ATR: variants seen among roughly 807,000 people sequenced by gnomAD.
ATR encodes the protein serine/threonine-protein kinase ATR.
In ATR, 142 loss-of-function variants were observed where a neutral mutation model predicts 305.3. The ratio of observed to expected loss-of-function variants is 0.47; its 90% CI spans 0.41 to 0.53. ATR has a LOEUF of 0.53. Ranked by LOEUF, ATR falls within the 20% of genes least tolerant of loss-of-function variation. The probability of loss-of-function intolerance (pLI) is 0.00; values close to 1 mark genes in which losing one functional copy is unlikely to be tolerated. For missense variants in ATR, 2,135 were observed against 3,133.1 expected (o/e 0.68, Z 7.60); for synonymous variants, 1,050 against 1,068.1 (o/e 0.98, Z 0.33).
In ATR at chr3:142,513,583, T is replaced by C; in HGVS notation, c.4559A>G (p.His1520Arg). The change falls in exon 26 of 47, where the codon CAT becomes CGT. Residue 1520 changes from histidine to arginine, a missense_variant. Physicochemically the swap from His to Arg is conservative, Grantham distance 29. Transcript: ENST00000350721. ...AAGATAGATGGTCACTTTGAAATCA[T>C]GCTTCATCATAATGCTACAGCAGGT... Reference protein sequence around the residue: ...IFTCCSIMMKHDFKVTIYLLP... With the variant: ...IFTCCSIMMKRDFKVTIYLLP... 5.0e-6 allele frequency: 8 copies of C among 1,613,518 alleles called. No individual in the cohort carries two copies. Among genetic ancestry groups the C allele is most frequent in the Non-Finnish European group, 6.8e-6 (8 of 1,179,574 alleles).
chr3:142,554,152 G>A, intron 10 of ATR, 137 bp from the exon 11 acceptor site: 1 of 650,598 alleles, frequency 1.5e-6, no homozygotes, highest in South Asian at 2.8e-5. Context: ...ATTTAAGTAT[G>A]TATAGCACAC....
intron 35 of ATR, among the ~76,000 whole-genome samples, chr3:142,487,224 C>A (rs1489326180): frequency 1.3e-5 from 2 of 152,194 alleles, no homozygotes; most frequent in Admixed American, 1.3e-4. Context: ...GCAGCCACAA[C>A]TCCTAGGCTC....
At chr3:142,520,791 T>C (rs954909407) in intron 23 of ATR, among the ~76,000 whole-genome samples, 14 of 152,180 alleles carry the variant, frequency 9.2e-5, no homozygotes, top group African/African-American at 2.7e-4. Flanking sequence ...AAGCTGTCTC[T>C]ATAACATAAA....
At chr3:142,523,940 A>T in intron 22 of ATR, 53 bp downstream of exon 22, 1 of 1,550,766 alleles carries the variant, frequency 6.4e-7, no homozygotes, top group South Asian at 1.1e-5. Context: ...TGAAATATAT[A>T]AACCTCAATA....
Position 142,553,901 on chromosome 3 carries a change from T to C in ATR, c.2456A>G (p.Asp819Gly). The C allele has an allele frequency of 2.5e-6, 4 of 1,613,410 alleles. No homozygotes were observed. Among genetic ancestry groups the C allele is most frequent in the East Asian group, 2.2e-5 (1 of 44,754 alleles). The stretch of plus-strand genomic sequence containing the variant: ...ATTTCCACTAAAAGCCACTCTAACA[T>C]CTTTGTCTGGATCTTCCATTAAATT... ...LLNLMEDPDK[D>G]VRVAFSGNIK... The change falls in exon 11 of 47, where the codon GAT becomes GGT. Residue 819 changes from aspartate (D) to glycine (G), a missense_variant. This residue lies in a region of ATR where 530 missense variants were observed against 766.8 expected (regional missense o/e 0.69). Transcript: ENST00000350721.
At chr3:142,516,418 A>G (rs111985901) in intron 24 of ATR, among the ~76,000 whole-genome samples, 6 of 152,188 alleles carry the variant, frequency 3.9e-5, no homozygotes, top group Non-Finnish European at 7.4e-5. Context: ...GATTAGTACT[A>G]CTATGTATTC....
chr3:142,486,159 G>A (rs949684579), intron 35 of ATR, among the ~76,000 whole-genome samples: 1 of 152,092 alleles, frequency 6.6e-6, no homozygotes, highest in Non-Finnish European at 1.5e-5. Flanking sequence ...GAAATACACA[G>A]GATCACTGAC....
intron 29 of ATR, among the ~76,000 whole-genome samples, chr3:142,504,912 T>G (rs1325165389): frequency 6.6e-6 from 1 of 151,934 alleles, no homozygotes. Flanking sequence ...TGTGGTGTGG[T>G]GGCACACGCC....
chr3:142,522,281 T>C (rs9808943), intron 23 of ATR, among the ~76,000 whole-genome samples: 96,236 of 152,084 alleles, frequency 0.63, 31,453 homozygotes, highest in African/African-American at 0.8. Context: ...GTAAACATAA[T>C]GTTAATATGC....
intron 36 of ATR, among the ~76,000 whole-genome samples, chr3:142,483,077 CTCACCACTGCCTTGACG>C (rs1276835296): frequency 6.7e-6 from 1 of 149,040 alleles, no homozygotes; most frequent in Non-Finnish European, 1.5e-5. Context: ...GCAATCACAG[CTCACCACTGCCTTGACG>C]TCCCAGGTTC....
intron 31 of ATR, 87 bp downstream of exon 31, chr3:142,499,540 C>G (rs1413779271): frequency 1.1e-5 from 13 of 1,209,526 alleles, no homozygotes; most frequent in Admixed American, 1.7e-5. Flanking sequence ...ATGATCCGCC[C>G]GCCTCAGCCG....
chr3:142,514,027 T>C (rs1007975951), intron 25 of ATR, among the ~76,000 whole-genome samples: 5 of 151,712 alleles, frequency 3.3e-5, no homozygotes, highest in African/African-American at 1.2e-4. Flanking sequence ...CCCAGCACTT[T>C]GGGAGGCCAA....
intron 17 of ATR, 135 bp from the exon 18 acceptor site, chr3:142,541,169 T>C (rs2034037275): frequency 8.5e-7 from 1 of 1,182,634 alleles, no homozygotes; most frequent in South Asian, 1.3e-5. Flanking sequence ...ATTGAATAAA[T>C]GTTGGCCAGT....
chr3:142,454,762 T>C (rs1421839471), intron 45 of ATR, among the ~76,000 whole-genome samples: 1 of 152,172 alleles, frequency 6.6e-6, no homozygotes, highest in African/African-American at 2.4e-5. Context: ...TTTTAAATAA[T>C]GAAGGTGAAT....
chr3:142,511,214 A>C (rs1419130366), intron 27 of ATR, among the ~76,000 whole-genome samples: 1 of 152,182 alleles, frequency 6.6e-6, no homozygotes, highest in African/African-American at 2.4e-5. Flanking sequence ...ACACACACAC[A>C]CACACAAAAA....
intron 21 of ATR, among the ~76,000 whole-genome samples, chr3:142,528,854 C>CATATATATATATATATAT (rs1191100552): frequency 5.8e-4 from 38 of 65,702 alleles, no homozygotes; most frequent in African/African-American, 1.5e-3. Context: ...CTGGAATTAT[C>CATATATATATATATATAT]ATATATATAT....
intron 16 of ATR, among the ~76,000 whole-genome samples, chr3:142,545,891 TA>T (rs2034252802): frequency 6.6e-6 from 1 of 152,058 alleles, no homozygotes; most frequent in Admixed American, 6.6e-5. Context: ...AAAAACAGAT[TA>T]GAAAGGGAAA....
At position 142,568,174 on chromosome 3, in the gene ATR, C is replaced by G; in HGVS notation, c.60-20G>C. 1 of 1,588,436 alleles carries G rather than the reference C, an allele frequency of 6.3e-7. No individual in the cohort carries two copies. Among genetic ancestry groups the G allele is most frequent in the Non-Finnish European group, 8.6e-7 (1 of 1,157,598 alleles). ...GTGGCACTAAAATACAAATTAAAAG[C>G]TTTTAATCCTTAAAGTGACTCAGTT... On this transcript the variant is annotated intron_variant, in intron 1 of 46. Coordinates refer to ENST00000350721, the MANE Select transcript of ATR (RefSeq NM_001184.4).
intron 36 of ATR, among the ~76,000 whole-genome samples, chr3:142,482,666 T>C (rs1373796115): frequency 6.6e-6 from 1 of 152,008 alleles, no homozygotes; most frequent in African/African-American, 2.4e-5. Context: ...ACCCTGTCTC[T>C]ACAAAAAATT....
Sources: gnomAD v4.1 joint callset for allele counts (sites outside exome capture counted in the v4.1 genomes callset) on GRCh38, gnomAD v4.1.1 for gene constraint, gnomAD v4.1.1 regional missense constraint, MANE v1.5 for transcripts, NCBI Gene and HGNC (gene_info 2026-07-23, HGNC 2026-07-21) for gene names.